Variants in GNPNAT1 observed in about 807,000 individuals in gnomAD.
GNPNAT1 encodes the protein glucosamine-phosphate N-acetyltransferase 1.
In GNPNAT1, 11 loss-of-function variants were observed where a neutral mutation model predicts 19.8. The observed-to-expected ratio is 0.56, with a 90% CI of 0.35 to 0.92. The LOEUF (loss-of-function observed/expected upper bound fraction) is 0.92. GNPNAT1 is among the 40% of genes least tolerant of loss of function. The pLI, the probability that GNPNAT1 is intolerant of heterozygous loss-of-function variation, is 0.01. For missense variants in GNPNAT1, 157 were observed against 211.0 expected (o/e 0.74, Z 1.59); for synonymous variants, 71 against 72.3 (o/e 0.98, Z 0.09).
rs1882733185 is a variant in GNPNAT1 at position 52,776,710 on chromosome 14, C to G, written c.*1601G>C. On this transcript the variant is annotated 3_prime_UTR_variant, in exon 6 of 6. Coordinates refer to ENST00000216410, the MANE Select transcript of GNPNAT1 (RefSeq NM_198066.4). Reference sequence around the variant, plus strand: ...AGCTGGGATTACAGGCGCATGCCACCACGTCTGGCTAATTTTTCTTTTTTT... The same window carrying G: ...AGCTGGGATTACAGGCGCATGCCACGACGTCTGGCTAATTTTTCTTTTTTT... 1 of 152,064 alleles carries G rather than the reference C, an allele frequency of 6.6e-6. No homozygotes were observed. 9.4% of individuals were successfully genotyped at this position (152,064 alleles called of 1,614,324 possible).
chr14:52,781,668 A>G, intron 4 of GNPNAT1, 116 bp downstream of exon 4: 1 of 911,438 alleles, frequency 1.1e-6, no homozygotes, highest in Non-Finnish European at 1.7e-6. Flanking sequence ...ACACACTGGG[A>G]AAAGGGATTT....
chr14:52,787,878 A>G (rs1883060256), intron 1 of GNPNAT1: 1 of 152,098 alleles, frequency 6.6e-6, no homozygotes, highest in Non-Finnish European at 1.5e-5. Flanking sequence ...GGAACTACAA[A>G]AAGAATGACA....
intron 1 of GNPNAT1, among the ~76,000 whole-genome samples, chr14:52,785,806 G>A (rs1252050305): frequency 6.7e-6 from 1 of 148,444 alleles, no homozygotes; most frequent in African/African-American, 2.5e-5. Flanking sequence ...GGAGTGCAAT[G>A]ATGTGATCTT....
At chr14:52,780,798 C>T (rs1253257343) in intron 4 of GNPNAT1, 58 bp from the exon 5 acceptor site, 10 of 1,050,658 alleles carry the variant, frequency 9.5e-6, no homozygotes, top group African/African-American at 1.6e-5. Flanking sequence ...TTAGCTAAAA[C>T]GAGTTGGTAA....
chr14:52,783,943 G>A (rs1483768942), intron 2 of GNPNAT1, among the ~76,000 whole-genome samples: 21 of 152,038 alleles, frequency 1.4e-4, no homozygotes, highest in East Asian at 1.9e-4. Context: ...TAGTGTTACC[G>A]GAAATTGATG....
Position 52,781,777 on chromosome 14 carries a change from C to G in GNPNAT1, c.345+7G>C. On this transcript the variant is annotated splice_region_variant and intron_variant, in intron 4 of 5. Transcript: ENST00000216410. ...AGCTGTCCATTTTATTTATAAGCAG[C>G]ACATACCTTAGCACAGGAATGGATG... The G allele has an allele frequency of 6.3e-7, 1 of 1,587,782 alleles. No homozygotes were observed. The highest frequency in any genetic ancestry group is 8.5e-7 in the Non-Finnish European group (1 of 1,171,712).
In GNPNAT1 at chr14:52,789,265, G is replaced by A. The variant is rs115724398; in HGVS notation, c.-15+2163C>T. On this transcript the variant is annotated intron_variant, in intron 1 of 5. Coordinates refer to ENST00000216410, the MANE Select transcript of GNPNAT1 (RefSeq NM_198066.4). ...TTTAATTTGGATTACCACAGATTAC[G>A]TAGCCAGTCCTGCTAGGTAGTATGA... 7.0e-3 allele frequency among the ~76,000 whole-genome samples: 1,069 copies of A among 152,244 alleles called. 7 individuals carry two copies. Among genetic ancestry groups the A allele is most frequent in the African/African-American group, 0.025 (1,026 of 41,534 alleles).
intron 1 of GNPNAT1, among the ~76,000 whole-genome samples, chr14:52,788,449 T>G (rs1883074406): frequency 1.3e-5 from 2 of 152,238 alleles, no homozygotes; most frequent in Admixed American, 1.3e-4. Context: ...AAGTTTTTAA[T>G]AGATGAAATT....
chr14:52,781,784 C>A lies in GNPNAT1; in HGVS notation c.345G>T (p.Lys115Asn). The A allele has an allele frequency of 6.3e-7, 1 of 1,593,212 alleles. No homozygotes were observed. The highest frequency in any genetic ancestry group is 2.3e-5 in the East Asian group (1 of 43,408). The change falls in exon 4 of 6, where the codon AAG becomes AAT. Residue 115 changes from lysine (K) to asparagine (N), a missense_variant and splice_region_variant. Coordinates refer to ENST00000216410, the MANE Select transcript of GNPNAT1 (RefSeq NM_198066.4). ...CATTTTATTTATAAGCAGCACATAC[C>A]TTAGCACAGGAATGGATGAATTTAT... Reference protein sequence around the residue: ...IEHKFIHSCAKRGRVEDVVVS... With the variant: ...IEHKFIHSCANRGRVEDVVVS...
intron 1 of GNPNAT1, among the ~76,000 whole-genome samples, chr14:52,788,307 T>C (rs997941754): frequency 1.3e-5 from 2 of 151,242 alleles, no homozygotes; most frequent in Non-Finnish European, 2.9e-5. Flanking sequence ...CTAATTTTTG[T>C]ATTTTTAGTA....
At chr14:52,784,413 T>C in intron 2 of GNPNAT1, 84 bp downstream of exon 2, 1 of 1,160,636 alleles carries the variant, frequency 8.6e-7, no homozygotes, top group African/African-American at 1.6e-5. Flanking sequence ...AAAAGTCAAA[T>C]ATTTAAAAAA....
Position 52,776,755 on chromosome 14 carries a change from C to T in GNPNAT1, c.*1556G>A, listed in dbSNP as rs1882735881. On this transcript the variant is annotated 3_prime_UTR_variant, in exon 6 of 6. Coordinates refer to ENST00000216410, the MANE Select transcript of GNPNAT1 (RefSeq NM_198066.4). Reference sequence around the variant, plus strand: ...TTTTTTTAGTAGAGACAGGGTTTCACCATTTTGGTCAGGCTGGTCTCAAAC... The same window carrying T: ...TTTTTTTAGTAGAGACAGGGTTTCATCATTTTGGTCAGGCTGGTCTCAAAC... 3 of 152,072 alleles carry T rather than the reference C, an allele frequency of 2.0e-5. No individual in the cohort carries two copies. The highest frequency in any genetic ancestry group is 4.8e-5 in the African/African-American group (2 of 41,386). 9.4% of individuals were successfully genotyped at this position (152,072 alleles called of 1,614,324 possible). A position where few individuals can be genotyped will look rare whatever the true frequency, so the allele number is the denominator to read the frequency against.
intron 1 of GNPNAT1, among the ~76,000 whole-genome samples, chr14:52,789,156 C>G (rs780576166): frequency 5.3e-5 from 8 of 152,154 alleles, no homozygotes; most frequent in Non-Finnish European, 4.4e-5. Context: ...TGACCTGTGC[C>G]GTTACACAGG....
chr14:52,777,950 T>TACATA lies in GNPNAT1; in HGVS notation c.*360_*361insTATGT. 6.4e-6 allele frequency: 1 copy of TACATA among 156,680 alleles called. No homozygotes were observed. The highest frequency in any genetic ancestry group is 1.4e-5 in the Non-Finnish European group (1 of 70,898). The allele number at this position is 156,680 out of a possible 1,614,324, so 9.7% of individuals were successfully genotyped here. A position where few individuals can be genotyped will look rare whatever the true frequency, so the allele number is the denominator to read the frequency against. ...GTGATAAACAGCCTTATTCAATGTATACTTTTTTTAAATGAGCAACACAGA... is the reference window on the plus strand; with the variant it reads ...GTGATAAACAGCCTTATTCAATGTATACATAACTTTTTTTAAATGAGCAACACAGA... On this transcript the variant is annotated 3_prime_UTR_variant, in exon 6 of 6. Transcript: ENST00000216410.
At chr14:52,790,834 C>T (rs1805737410) in intron 1 of GNPNAT1, among the ~76,000 whole-genome samples, 1 of 152,170 alleles carries the variant, frequency 6.6e-6, no homozygotes, top group Admixed American at 6.5e-5. Context: ...ATTAGTTTGG[C>T]TTACATAAAC....
rs1032640682 is a variant in GNPNAT1, at chr14:52,776,157, G to T, written c.*2154C>A. On this transcript the variant is annotated 3_prime_UTR_variant, in exon 6 of 6. Transcript: ENST00000216410. Reference sequence around the variant, plus strand: ...CCTGCGCTCTAGCCTGGGCAACAGCGAGACCTTGTCTCAACAACAACAACA... The same window carrying T: ...CCTGCGCTCTAGCCTGGGCAACAGCTAGACCTTGTCTCAACAACAACAACA... 6.6e-6 allele frequency: 1 copy of T among 152,380 alleles called. No individual in the cohort carries two copies. The highest frequency in any genetic ancestry group is 2.4e-5 in the African/African-American group (1 of 41,394). 9.4% of individuals were successfully genotyped at this position (152,380 alleles called of 1,614,324 possible). A position where few individuals can be genotyped will look rare whatever the true frequency, so the allele number is the denominator to read the frequency against.
At chr14:52,780,567 T>G in intron 5 of GNPNAT1, 112 bp downstream of exon 5, 1 of 702,966 alleles carries the variant, frequency 1.4e-6, no homozygotes, top group Non-Finnish European at 2.6e-6. Flanking sequence ...ACTATTAGAG[T>G]GAGAATAAGT....
In GNPNAT1 at chr14:52,786,984, T is replaced by C. The variant is rs1357901111; in HGVS notation, c.-14-2320A>G. On this transcript the variant is annotated intron_variant, in intron 1 of 5. Transcript: ENST00000216410. Reference sequence around the variant, plus strand: ...GTGTTTCATATACATCTTATACAGATAGCACAAATATTTTACACAATATTT... The same window carrying C: ...GTGTTTCATATACATCTTATACAGACAGCACAAATATTTTACACAATATTT... Among the ~76,000 whole-genome samples the C allele has an allele frequency of 1.3e-5, 2 of 149,584 alleles. 1 individual carries two copies. The highest frequency in any genetic ancestry group is 4.1e-4 in the East Asian group (2 of 4,880).
chr14:52,783,383 G>A (rs1882938760), intron 3 of GNPNAT1, 40 bp downstream of exon 3: 3 of 1,334,158 alleles, frequency 2.2e-6, no homozygotes, highest in Admixed American at 1.9e-5. Flanking sequence ...ATGAAATCAT[G>A]TTTCCCTTTA....
Sources: allele counts gnomAD v4.1 joint callset (sites outside exome capture counted in the v4.1 genomes callset), GRCh38; gene constraint gnomAD v4.1.1; transcripts MANE v1.5; gene names NCBI Gene and HGNC (gene_info 2026-07-23, HGNC 2026-07-21).